Variants in PIR observed in about 807,000 individuals in gnomAD.
The protein encoded by PIR is pirin (iron-binding nuclear protein).
Under a neutral mutation model 24.2 loss-of-function variants are expected in PIR, and 22 were observed. That is an observed-to-expected ratio of 0.91 (90% CI 0.65 to 1.30). PIR has a LOEUF of 1.30. Ranked by LOEUF, PIR falls within the 50% of genes most tolerant of loss-of-function variation. The probability of loss-of-function intolerance (pLI) is 0.00; values close to 1 mark genes in which losing one functional copy is unlikely to be tolerated. For synonymous variants in PIR, 80 were observed against 79.6 expected, an observed-to-expected ratio of 1.00 and a Z score of -0.03; for missense variants, 220 against 220.3, an observed-to-expected ratio of 1.00 and a Z score of 0.01.
intron 3 of PIR, among the ~76,000 whole-genome samples, chrX:15,478,206 A>ATCCTCTT (rs1922314734): frequency 9.0e-6 from 1 of 111,607 alleles, no homozygotes. Flanking sequence ...TGGGTATGTG[A>ATCCTCTT]GGGGAGGTTG....
chrX:15,429,322 G>T (rs1925423206), intron 5 of PIR: 1 of 110,908 alleles, frequency 9.0e-6, no homozygotes, highest in African/African-American at 3.3e-5. Flanking sequence ...ACCAATGAGA[G>T]ACTTTAATAA....
chrX:15,443,023 A>G (rs922672031), intron 5 of PIR, among the ~76,000 whole-genome samples: 1 of 112,365 alleles, frequency 8.9e-6, no homozygotes, highest in African/African-American at 3.2e-5. Context: ...GATTCCATCT[A>G]TGACTTTCAT....
chrX:15,407,443 TTC>T, intron 7 of PIR, 61 bp downstream of exon 7: 1 of 855,256 alleles, frequency 1.2e-6, no homozygotes, highest in South Asian at 2.0e-5. Context: ...ATCCTACCTT[TTC>T]TCCCTTCAGT....
chrX:15,479,851 A>G (rs1401932432), intron 2 of PIR, 30 bp from the exon 3 acceptor site: 2 of 862,944 alleles, frequency 2.3e-6, no homozygotes. Flanking sequence ...TGCAGATTAG[A>G]TATGTCTTTT....
chrX:15,464,792 A>G (rs1279882225), intron 3 of PIR, among the ~76,000 whole-genome samples: 1 of 112,436 alleles, frequency 8.9e-6, no homozygotes, highest in African/African-American at 3.2e-5. Context: ...TTTAATTAAA[A>G]TAATTGCATG....
intron 5 of PIR, 24 bp downstream of exon 5, chrX:15,455,824 A>C: frequency 8.7e-7 from 1 of 1,155,197 alleles, no homozygotes; most frequent in Non-Finnish European, 1.2e-6. Context: ...CCTCAGGTTA[A>C]ATAGACACAA....
intron 6 of PIR, among the ~76,000 whole-genome samples, chrX:15,414,215 T>C (rs1303945207): frequency 8.9e-6 from 1 of 112,200 alleles, no homozygotes; most frequent in Non-Finnish European, 1.9e-5. Flanking sequence ...CTTATCCTGT[T>C]CTTTAAAAAA....
intron 9 of PIR, among the ~76,000 whole-genome samples, chrX:15,388,784 C>T (rs1923857349): frequency 8.9e-6 from 1 of 111,921 alleles, no homozygotes; most frequent in South Asian, 3.7e-4. Context: ...TGTGCAAGTT[C>T]CCAATCAAGA....
chrX:15,396,398 G>C (rs1924137502), intron 8 of PIR, among the ~76,000 whole-genome samples: 1 of 111,859 alleles, frequency 8.9e-6, no homozygotes, highest in Admixed American at 9.5e-5. Context: ...TATAACAACA[G>C]GCAGGGTCAG....
intron 2 of PIR, among the ~76,000 whole-genome samples, chrX:15,486,190 C>A (rs773253752): frequency 2.8e-5 from 3 of 105,387 alleles, no homozygotes; most frequent in Non-Finnish European, 3.9e-5. Context: ...CCTGTCTCTA[C>A]TAAAAATACA....
At chrX:15,489,907 C>T (rs1569213932) in intron 2 of PIR, among the ~76,000 whole-genome samples, 1 of 111,708 alleles carries the variant, frequency 9.0e-6, no homozygotes, top group African/African-American at 3.3e-5. Flanking sequence ...ATGGTGGTTA[C>T]CCCGGCTAGG....
At chrX:15,476,295 T>C (rs951904665) in intron 3 of PIR, among the ~76,000 whole-genome samples, 4 of 112,271 alleles carry the variant, frequency 3.6e-5, no homozygotes, top group Admixed American at 2.8e-4. Flanking sequence ...AGTTACATTT[T>C]ATACTCATGT....
chrX:15,405,367 C>A (rs1017710729), intron 7 of PIR, among the ~76,000 whole-genome samples: 1 of 112,266 alleles, frequency 8.9e-6, no homozygotes, highest in Non-Finnish European at 1.9e-5. Flanking sequence ...GGAATAGCCA[C>A]CCAATTTGTT....
intron 4 of PIR, 52 bp downstream of exon 4, chrX:15,459,605 C>T (rs912218519): frequency 2.4e-5 from 17 of 721,852 alleles, no homozygotes; most frequent in African/African-American, 1.1e-4. Flanking sequence ...GGATCAAGCA[C>T]GTGCACCCAA....
At chrX:15,404,994 G>A (rs923216043) in intron 7 of PIR, among the ~76,000 whole-genome samples, 3 of 111,407 alleles carry the variant, frequency 2.7e-5, no homozygotes, top group African/African-American at 6.6e-5. Context: ...GACCAGGTCA[G>A]TAAATAGAAA....
chrX:15,435,836 C>A (rs941956650), intron 5 of PIR, among the ~76,000 whole-genome samples: 2 of 112,373 alleles, frequency 1.8e-5, no homozygotes, highest in African/African-American at 3.2e-5. Flanking sequence ...CTGTTTAAAG[C>A]AAACTTCTAA....
intron 3 of PIR, among the ~76,000 whole-genome samples, chrX:15,468,646 T>C (rs1216766527): frequency 1.8e-5 from 2 of 112,603 alleles, no homozygotes; most frequent in African/African-American, 6.5e-5. Flanking sequence ...TTCTCAAACT[T>C]TGAGTGAGTG....
chrX:15,396,880 A>G (rs1924168763), intron 8 of PIR, among the ~76,000 whole-genome samples: 1 of 110,857 alleles, frequency 9.0e-6, no homozygotes, highest in Non-Finnish European at 1.9e-5. Flanking sequence ...AGCTGGGACC[A>G]CAGGCGCCTG....
At chrX:15,438,619 C>T (rs1258027269) in intron 5 of PIR, among the ~76,000 whole-genome samples, 2 of 112,104 alleles carry the variant, frequency 1.8e-5, no homozygotes. Context: ...GTCGCTCAGC[C>T]TCATTATAGC....
Sources: allele counts gnomAD v4.1 joint callset (sites outside exome capture counted in the v4.1 genomes callset), GRCh38; gene constraint gnomAD v4.1.1; transcripts MANE v1.5; gene names NCBI Gene and HGNC (gene_info 2026-07-23, HGNC 2026-07-21).